Variants in EFHC2 observed in about 807,000 individuals in gnomAD.
EFHC2 encodes EF-hand domain containing 2.
A neutral mutation model predicts 52.7 loss-of-function variants in EFHC2; 18 were observed. The ratio of observed to expected loss-of-function variants is 0.34; its 90% CI spans 0.24 to 0.51. EFHC2 has a LOEUF of 0.51. EFHC2 is among the 20% of genes least tolerant of loss of function. The pLI, the probability that EFHC2 is intolerant of heterozygous loss-of-function variation, is 0.97. For synonymous variants in EFHC2, 203 were observed against 204.1 expected (o/e 0.99, Z 0.04); for missense variants, 513 against 562.5 (o/e 0.91, Z 0.89).
chrX:44,312,468 C>A, intron 2 of EFHC2, 100 bp downstream of exon 2: 2 of 612,789 alleles, frequency 3.3e-6, no homozygotes, highest in Non-Finnish European at 4.6e-6. Context: ...AAAGAACTAG[C>A]CTTAACATTT....
chrX:44,155,307 G>A (rs1236666091), intron 14 of EFHC2, among the ~76,000 whole-genome samples: 4 of 111,810 alleles, frequency 3.6e-5, no homozygotes, highest in African/African-American at 6.5e-5. Context: ...TGTAGCTGCC[G>A]ATCTGTAAAA....
At chrX:44,207,096 T>C (rs1249620768) in intron 11 of EFHC2, among the ~76,000 whole-genome samples, 1 of 111,779 alleles carries the variant, frequency 8.9e-6, no homozygotes, top group African/African-American at 3.3e-5. Flanking sequence ...TTGACAAAGC[T>C]GACAAAAATA....
chrX:44,218,443 T>C (rs1023545288), intron 11 of EFHC2, among the ~76,000 whole-genome samples: 2 of 111,880 alleles, frequency 1.8e-5, no homozygotes, highest in African/African-American at 6.5e-5. Flanking sequence ...TTCAAAATTA[T>C]ATTCTAAAGC....
intron 3 of EFHC2, among the ~76,000 whole-genome samples, chrX:44,264,442 G>T (rs754041701): frequency 1.8e-5 from 2 of 111,955 alleles, no homozygotes; most frequent in East Asian, 2.8e-4. Context: ...CCTCTCCCAG[G>T]AGCCTGCAGA....
intron 2 of EFHC2, among the ~76,000 whole-genome samples, chrX:44,298,934 G>T (rs2037849489): frequency 1.0e-5 from 1 of 96,450 alleles, no homozygotes; most frequent in Non-Finnish European, 2.1e-5. Flanking sequence ...TTGATTTTAA[G>T]AATTAAAATG....
chrX:44,190,527 G>A (rs1163293990), intron 11 of EFHC2, among the ~76,000 whole-genome samples: 2 of 111,532 alleles, frequency 1.8e-5, no homozygotes, highest in Admixed American at 1.9e-4. Flanking sequence ...TTATGGTGAG[G>A]ATTTCTCTTG....
At chrX:44,187,149 A>ATATATATATG (rs1221197736) in intron 11 of EFHC2, among the ~76,000 whole-genome samples, 1 of 97,598 alleles carries the variant, frequency 1.0e-5, no homozygotes, top group African/African-American at 4.0e-5. Context: ...ATATATATAT[A>ATATATATATG]TATGGGCTTT....
At chrX:44,337,355 A>G (rs895006741) in intron 1 of EFHC2, among the ~76,000 whole-genome samples, 2 of 111,347 alleles carry the variant, frequency 1.8e-5, no homozygotes, top group African/African-American at 3.3e-5. Flanking sequence ...TCATTCCTCA[A>G]TAGCACCCTC....
intron 2 of EFHC2, chrX:44,284,202 T>G (rs1016448902): frequency 3.6e-5 from 4 of 112,042 alleles, no homozygotes; most frequent in Non-Finnish European, 5.6e-5. Context: ...TAGGGCCGGC[T>G]CCAAAGACTG....
intron 1 of EFHC2, among the ~76,000 whole-genome samples, chrX:44,327,768 C>G (rs887697740): frequency 1.8e-5 from 2 of 111,299 alleles, no homozygotes; most frequent in Admixed American, 1.9e-4. Flanking sequence ...CTAAATCACT[C>G]AAAAACTAAC....
At chrX:44,199,052 A>G (rs937737046) in intron 11 of EFHC2, among the ~76,000 whole-genome samples, 2 of 112,507 alleles carry the variant, frequency 1.8e-5, no homozygotes, top group Non-Finnish European at 3.8e-5. Flanking sequence ...TACAGTTCAC[A>G]TGTTTGTCCC....
chrX:44,193,807 G>C (rs1297544964), intron 11 of EFHC2, among the ~76,000 whole-genome samples: 3 of 112,016 alleles, frequency 2.7e-5, no homozygotes, highest in Non-Finnish European at 1.9e-5. Context: ...ATTTATTTAG[G>C]GAAGGAGGGT....
chrX:44,202,402 A>G (rs1344779970), intron 11 of EFHC2, among the ~76,000 whole-genome samples: 1 of 112,043 alleles, frequency 8.9e-6, no homozygotes, highest in Non-Finnish European at 1.9e-5. Context: ...ACAGAGCAAG[A>G]TTCCATCAAA....
intron 3 of EFHC2, among the ~76,000 whole-genome samples, chrX:44,268,030 T>C (rs2037590332): frequency 2.7e-5 from 3 of 111,987 alleles, no homozygotes; most frequent in Admixed American, 1.9e-4. Flanking sequence ...CCTTCCAAAT[T>C]TCTCTACTCT....
At chrX:44,253,718 T>A (rs2037471070) in intron 4 of EFHC2, among the ~76,000 whole-genome samples, 1 of 112,020 alleles carries the variant, frequency 8.9e-6, no homozygotes, top group African/African-American at 3.2e-5. Flanking sequence ...TAAACGTTCC[T>A]CCTGCCAGCT....
At chrX:44,332,407 G>T (rs1454767272) in intron 1 of EFHC2, among the ~76,000 whole-genome samples, 1 of 110,047 alleles carries the variant, frequency 9.1e-6, no homozygotes, top group African/African-American at 3.3e-5. Flanking sequence ...GGAAAGCAAA[G>T]AATTTGTTCA....
At chrX:44,163,880 G>T in intron 14 of EFHC2, 42 bp downstream of exon 14, 1 of 868,443 alleles carries the variant, frequency 1.2e-6, no homozygotes, top group Non-Finnish European at 1.7e-6. Flanking sequence ...ACATGCAAGG[G>T]AAGTAACCAT....
rs759123435 is a variant in EFHC2, at chrX:44,310,455, G to A, written c.231+2113C>T. 12 of 786,244 alleles carry A rather than the reference G, an allele frequency of 1.5e-5. No homozygotes were observed. In the African/African-American group the frequency reaches 2.1e-4, roughly 14 times the overall value. The allele number at this position is 786,244 out of a possible 1,213,427, so 64.8% of individuals were successfully genotyped here. ...TGCTGCGGGTCCGTAATGTGCAGCA[G>A]CGGGACGCGGACGGAGAGCATGGTG... On this transcript the variant is annotated intron_variant, in intron 2 of 14. Coordinates refer to ENST00000420999, the MANE Select transcript of EFHC2 (RefSeq NM_025184.4).
chrX:44,234,284 C>T (rs1366239029), intron 9 of EFHC2, among the ~76,000 whole-genome samples: 1 of 112,200 alleles, frequency 8.9e-6, no homozygotes. Context: ...TTCATACATG[C>T]TGCAACTTGT....
Sources: allele counts gnomAD v4.1 joint callset (sites outside exome capture counted in the v4.1 genomes callset), GRCh38; gene constraint gnomAD v4.1.1; transcripts MANE v1.5; gene names NCBI Gene and HGNC (gene_info 2026-07-23, HGNC 2026-07-21).